Variants in ITPR1 observed in about 807,000 individuals in gnomAD.
ITPR1 encodes the protein inositol 1,4,5-trisphosphate-gated calcium channel ITPR1.
ITPR1 carries 96 observed loss-of-function variants against 318.4 expected under a neutral mutation model. The ratio of observed to expected loss-of-function variants is 0.30; its 90% CI spans 0.26 to 0.36. The LOEUF (loss-of-function observed/expected upper bound fraction) is 0.36, where lower values mean the gene tolerates loss of function less well. ITPR1 is among the 10% of genes least tolerant of loss of function. The pLI, the probability that ITPR1 is intolerant of heterozygous loss-of-function variation, is 1.00. For synonymous variants in ITPR1, 1,312 were observed against 1,289.9 expected, an observed-to-expected ratio of 1.02 and a Z score of -0.37; for missense variants, 2,440 against 3,460.2, an observed-to-expected ratio of 0.71 and a Z score of 7.40.
intron 44 of ITPR1, among the ~76,000 whole-genome samples, chr3:4,746,282 C>G (rs2044103192): frequency 6.6e-6 from 1 of 152,216 alleles, no homozygotes; most frequent in South Asian, 2.1e-4. Context: ...ATCTGAACAG[C>G]CTTCTGTGGA....
At chr3:4,619,062 T>C (rs570847297) in intron 4 of ITPR1, among the ~76,000 whole-genome samples, 10 of 152,238 alleles carry the variant, frequency 6.6e-5, no homozygotes, top group Non-Finnish European at 1.5e-4. Context: ...GAGAATTCTT[T>C]TTAGTCAGTG....
Position 4,661,181 on chromosome 3 carries a change from AT to A in ITPR1, c.1251+97del, listed in dbSNP as rs1319032294. On this transcript the variant is annotated intron_variant, in intron 14 of 61. Transcript: ENST00000649015. ...AGATCAGGGAGTATGGAGCGTGGAG[AT>A]TTGTTGCTTTGGCGAGAGTGTGGTC... 5 of 694,602 alleles carry A rather than the reference AT, an allele frequency of 7.2e-6. No homozygotes were observed. In the African/African-American group the frequency reaches 9.0e-5, roughly 13 times the overall value. 43.0% of individuals were successfully genotyped at this position (694,602 alleles called of 1,614,324 possible). A position where few individuals can be genotyped will look rare whatever the true frequency, so the allele number is the denominator to read the frequency against.
chr3:4,669,505 T>C, intron 18 of ITPR1, 149 bp from the exon 19 acceptor site: 3 of 601,034 alleles, frequency 5.0e-6, no homozygotes, highest in Non-Finnish European at 7.8e-6. Flanking sequence ...TTTCTGGTGA[T>C]GCCATAAACA....
At chr3:4,664,348 G>A (rs545294564) in intron 16 of ITPR1, among the ~76,000 whole-genome samples, 26 of 152,322 alleles carry the variant, frequency 1.7e-4, no homozygotes, top group Middle Eastern at 3.4e-3. Context: ...GCACAGAGAT[G>A]CATACCATGT....
At chr3:4,824,514 CA>C (rs1358192520) in intron 60 of ITPR1, among the ~76,000 whole-genome samples, 1 of 152,290 alleles carries the variant, frequency 6.6e-6, no homozygotes, top group East Asian at 1.9e-4. Flanking sequence ...CACATGCACA[CA>C]GCCCTCCTGT....
At chr3:4,770,511 T>C (rs2046116619) in intron 46 of ITPR1, among the ~76,000 whole-genome samples, 1 of 152,164 alleles carries the variant, frequency 6.6e-6, no homozygotes, top group Admixed American at 6.5e-5. Context: ...CAAACCCCAC[T>C]GTCGGCCAGG....
chr3:4,526,830 T>A (rs2124941321), intron 4 of ITPR1, among the ~76,000 whole-genome samples: 1 of 152,320 alleles, frequency 6.6e-6, no homozygotes, highest in Middle Eastern at 3.4e-3. Flanking sequence ...TTGTACTCCA[T>A]GAGGAAAGAG....
chr3:4,804,260 G>T (rs901308115), intron 54 of ITPR1, among the ~76,000 whole-genome samples: 5 of 152,224 alleles, frequency 3.3e-5, no homozygotes, highest in African/African-American at 1.2e-4. Context: ...GAGAATATTG[G>T]AGTTCTGAGA....
Position 4,673,370 on chromosome 3 carries a change from G to A in ITPR1, c.2439G>A (p.Ser813=), listed in dbSNP as rs35946460. The change falls in exon 21 of 62, where the codon TCG becomes TCA. Residue 813 remains serine (S), a synonymous_variant. Transcript: ENST00000649015. The stretch of plus-strand genomic sequence containing the variant: ...CCCGCCTCTGGTCGGAGATTCCCTC[G>A]GAGATCGCCATTGACGAGTGAGCCT... ...KYARLWSEIP[S]EIAIDDYDSS... 4.9e-4 allele frequency: 792 copies of A among 1,608,428 alleles called. 2 individuals carry two copies. In the African/African-American group the frequency reaches 8.9e-3, roughly 18 times the overall value.
intron 26 of ITPR1, among the ~76,000 whole-genome samples, chr3:4,682,392 T>C (rs748954351): frequency 6.6e-6 from 1 of 152,234 alleles, no homozygotes; most frequent in Non-Finnish European, 1.5e-5. Context: ...GGGCCTCTGC[T>C]TGCATTGCAT....
intron 54 of ITPR1, among the ~76,000 whole-genome samples, chr3:4,802,177 A>G (rs1003480715): frequency 5.3e-5 from 8 of 152,234 alleles, no homozygotes; most frequent in African/African-American, 1.9e-4. Flanking sequence ...ACTTTAATGT[A>G]CTAATATGGA....
At chr3:4,504,169 G>A (rs2081237099) in intron 2 of ITPR1, among the ~76,000 whole-genome samples, 1 of 152,226 alleles carries the variant, frequency 6.6e-6, no homozygotes, top group Non-Finnish European at 1.5e-5. Flanking sequence ...GAAGCCATGA[G>A]ACCAAATGTC....
intron 2 of ITPR1, among the ~76,000 whole-genome samples, chr3:4,515,260 C>G (rs902626755): frequency 2.0e-5 from 3 of 152,212 alleles, no homozygotes; most frequent in Admixed American, 6.5e-5. Context: ...TCATGCTGAT[C>G]ATTGCTGCAT....
intron 4 of ITPR1, among the ~76,000 whole-genome samples, chr3:4,567,541 G>T (rs999542277): frequency 1.3e-5 from 2 of 152,112 alleles, no homozygotes; most frequent in Non-Finnish European, 2.9e-5. Context: ...AACCACGTGC[G>T]GTGGGCTTGG....
At chr3:4,549,055 T>C (rs113919487) in intron 4 of ITPR1, among the ~76,000 whole-genome samples, 48 of 152,254 alleles carry the variant, frequency 3.2e-4, no homozygotes, top group Non-Finnish European at 3.4e-4. Flanking sequence ...CTCTTGGTTG[T>C]CAAGTTAGCA....
At position 4,516,528 on chromosome 3, in the gene ITPR1, G is replaced by A; in HGVS notation, c.37G>A (p.Asp13Asn). The A allele has an allele frequency of 6.3e-7, 1 of 1,599,750 alleles. No individual in the cohort carries two copies. The highest frequency in any genetic ancestry group is 8.5e-7 in the Non-Finnish European group (1 of 1,174,558). ...DKMSSFLHIGDICSLYAEGST... is the reference protein window; with the variant it reads ...DKMSSFLHIGNICSLYAEGST... ...AATGTCTAGCTTCCTACATATTGGA[G>A]ACATTTGTTCTCTGTACGCGGAGGG... The change falls in exon 3 of 62, where the codon GAC becomes AAC. Residue 13 changes from aspartate (D) to asparagine (N), a missense_variant. By Grantham distance (23) the Asp-to-Asn change is conservative. This residue lies in a region of ITPR1 where 186 missense variants were observed against 323.9 expected (regional missense o/e 0.57). Transcript: ENST00000649015.
intron 61 of ITPR1, among the ~76,000 whole-genome samples, chr3:4,844,525 G>A (rs1559999717): frequency 6.6e-6 from 1 of 152,220 alleles, no homozygotes. Context: ...CAAGGGAAGG[G>A]TTGTGGGAGA....
intron 4 of ITPR1, among the ~76,000 whole-genome samples, chr3:4,577,866 C>T (rs1178137974): frequency 2.6e-5 from 4 of 152,152 alleles, no homozygotes; most frequent in Non-Finnish European, 5.9e-5. Flanking sequence ...AGATTGGGGT[C>T]CTCTAACTGT....
chr3:4,718,288 G>A (rs2041915404), intron 40 of ITPR1, among the ~76,000 whole-genome samples: 1 of 152,180 alleles, frequency 6.6e-6, no homozygotes, highest in Non-Finnish European at 1.5e-5. Context: ...AACTTAATTT[G>A]TCTTTTAAAA....
Sources: allele counts gnomAD v4.1 joint callset (sites outside exome capture counted in the v4.1 genomes callset), GRCh38; gene constraint gnomAD v4.1.1; regional missense constraint gnomAD v4.1.1; transcripts MANE v1.5; gene names NCBI Gene and HGNC (gene_info 2026-07-23, HGNC 2026-07-21).